Variants in C1QTNF3 observed in about 807,000 individuals in gnomAD.
C1QTNF3 encodes the protein complement C1q tumor necrosis factor-related protein 3.
C1QTNF3 carries 26 observed loss-of-function variants against 32.6 expected under a neutral mutation model. That is an observed-to-expected ratio of 0.80 (90% CI 0.58 to 1.11). The LOEUF (loss-of-function observed/expected upper bound fraction) is 1.11. Ranked by LOEUF, C1QTNF3 falls within the 50% of genes least tolerant of loss-of-function variation. The pLI, the probability that C1QTNF3 is intolerant of heterozygous loss-of-function variation, is 0.00. For synonymous variants in C1QTNF3, 155 were observed against 146.0 expected (o/e 1.06, Z -0.44); for missense variants, 362 against 398.2 (o/e 0.91, Z 0.77).
the C1QTNF3 span, among the ~76,000 whole-genome samples, chr5:34,137,032 G>A: frequency 6.6e-6 from 1 of 151,548 alleles, no homozygotes; most frequent in Admixed American, 6.6e-5. Flanking sequence ...AGCATTAGGA[G>A]AAATACCCAA....
At chr5:34,072,670 C>T in the C1QTNF3 span, among the ~76,000 whole-genome samples, 1 of 152,104 alleles carries the variant, frequency 6.6e-6, no homozygotes, top group African/African-American at 2.4e-5. Flanking sequence ...AGTAAAAGGA[C>T]AATATTAATC....
chr5:34,224,478 A>T, the C1QTNF3 span, among the ~76,000 whole-genome samples: 1 of 152,194 alleles, frequency 6.6e-6, no homozygotes. Context: ...AACAGAACAG[A>T]GCCCTCAGAA....
At chr5:34,119,618 T>C in the C1QTNF3 span, among the ~76,000 whole-genome samples, 1 of 152,108 alleles carries the variant, frequency 6.6e-6, no homozygotes, top group South Asian at 2.1e-4. Context: ...AATCAAGGTG[T>C]CCACAGGGAT....
At chr5:34,118,948 AGTGT>A in the C1QTNF3 span, among the ~76,000 whole-genome samples, 68 of 152,164 alleles carry the variant, frequency 4.5e-4, no homozygotes, top group Non-Finnish European at 8.2e-4. Context: ...ATATATGTGT[AGTGT>A]GTGTGTTTGT....
chr5:34,114,986 A>G, the C1QTNF3 span, among the ~76,000 whole-genome samples: 3 of 152,208 alleles, frequency 2.0e-5, no homozygotes, highest in African/African-American at 7.2e-5. Flanking sequence ...GGTAATAAAA[A>G]TAAAAAAATT....
chr5:34,110,029 C>A, the C1QTNF3 span, among the ~76,000 whole-genome samples: 2 of 152,052 alleles, frequency 1.3e-5, no homozygotes, highest in East Asian at 1.9e-4. Flanking sequence ...CTCTACCAGT[C>A]GGTTTAGTTA....
the C1QTNF3 span, among the ~76,000 whole-genome samples, chr5:34,116,418 T>C: frequency 6.6e-6 from 1 of 152,214 alleles, no homozygotes; most frequent in East Asian, 1.9e-4. Context: ...TTGAAAGAGG[T>C]ATTAAAATCT....
At chr5:34,031,572 C>T (rs1204949934) in intron 3 of C1QTNF3, among the ~76,000 whole-genome samples, 2 of 152,314 alleles carry the variant, frequency 1.3e-5, no homozygotes, top group South Asian at 2.1e-4. Flanking sequence ...GTGGCTCACA[C>T]CTGTAATCCC....
At chr5:34,170,444 T>A in the C1QTNF3 span, among the ~76,000 whole-genome samples, 1 of 152,138 alleles carries the variant, frequency 6.6e-6, no homozygotes, top group Non-Finnish European at 1.5e-5. Context: ...ACCACACACA[T>A]ACACACATAA....
the C1QTNF3 span, among the ~76,000 whole-genome samples, chr5:34,197,377 C>T: frequency 6.6e-6 from 1 of 152,154 alleles, no homozygotes; most frequent in Admixed American, 6.6e-5. Context: ...TAACAGTATG[C>T]TGTCACAGGT....
the C1QTNF3 span, among the ~76,000 whole-genome samples, chr5:34,242,451 T>C: frequency 1.3e-5 from 2 of 152,202 alleles, no homozygotes; most frequent in Admixed American, 1.3e-4. Context: ...GATAATTCGC[T>C]AGCCATAAGC....
the C1QTNF3 span, among the ~76,000 whole-genome samples, chr5:34,114,811 C>A: frequency 6.6e-6 from 1 of 151,568 alleles, no homozygotes; most frequent in Non-Finnish European, 1.5e-5. Context: ...TCTAACACAT[C>A]ATTGTGCCCT....
At chr5:34,241,926 T>C in the C1QTNF3 span, among the ~76,000 whole-genome samples, 16 of 82,750 alleles carry the variant, frequency 1.9e-4, no homozygotes, top group Non-Finnish European at 3.0e-4. Flanking sequence ...GAAGGAAGGA[T>C]GGACGGAAGG....
At chr5:34,091,573 C>T in the C1QTNF3 span, among the ~76,000 whole-genome samples, 2 of 152,246 alleles carry the variant, frequency 1.3e-5, no homozygotes, top group African/African-American at 4.8e-5. Flanking sequence ...TATTTCATGA[C>T]ATTTGTATGA....
chr5:34,207,889 G>A, the C1QTNF3 span, among the ~76,000 whole-genome samples: 89 of 151,934 alleles, frequency 5.9e-4, no homozygotes, highest in East Asian at 0.011. Context: ...CCGGGTTCAC[G>A]CCATTCTCCT....
chr5:34,143,675 C>T, the C1QTNF3 span, among the ~76,000 whole-genome samples: 67 of 152,200 alleles, frequency 4.4e-4, no homozygotes, highest in African/African-American at 1.6e-3. Context: ...CTTTCATATC[C>T]CACCAAACTA....
rs189735720 is a variant in C1QTNF3, at chr5:34,033,361, C to T, written c.513G>A (p.Arg171=). ...TCTCTCCTTTGGGGCCATGCTGCCC[C>T]CGCTCCCCTCGAGGCCCCAGGTCAC... ...DKGDLGPRGE[R]GQHGPKGEKG... The change falls in exon 3 of 6, where the codon CGG becomes CGA. Residue 171 remains arginine, a synonymous_variant. Coordinates refer to ENST00000382065, the MANE Select transcript of C1QTNF3 (RefSeq NM_181435.6). 109 of 1,613,896 alleles carry T rather than the reference C, an allele frequency of 6.8e-5. No homozygotes were observed. Among genetic ancestry groups the T allele is most frequent in the Non-Finnish European group, 8.6e-5 (102 of 1,179,934 alleles).
At chr5:34,120,253 T>G in the C1QTNF3 span, among the ~76,000 whole-genome samples, 3 of 152,224 alleles carry the variant, frequency 2.0e-5, no homozygotes, top group African/African-American at 7.2e-5. Context: ...ATTTCTACTC[T>G]TGATTTGTAT....
chr5:34,231,035 T>C, the C1QTNF3 span, among the ~76,000 whole-genome samples: 2 of 152,168 alleles, frequency 1.3e-5, no homozygotes, highest in African/African-American at 2.4e-5. Flanking sequence ...GAAAGACTCA[T>C]TTAACTCTCT....
Sources: allele counts gnomAD v4.1 joint callset (sites outside exome capture counted in the v4.1 genomes callset), GRCh38; gene constraint gnomAD v4.1.1; transcripts MANE v1.5; gene names NCBI Gene and HGNC (gene_info 2026-07-23, HGNC 2026-07-21).